Variants in ERVMER34-1 observed in about 807,000 individuals in gnomAD.
ERVMER34-1 encodes endogenous retrovirus group MER34 member 1, envelope, also known as endogenous retroviral envelope protein HEMO.
For missense variants in ERVMER34-1, 471 were observed against 295.1 expected (o/e 1.60, Z -4.37); for synonymous variants, 199 against 111.7 (o/e 1.78, Z -4.93).
In ERVMER34-1 at chr4:52,745,214, C is replaced by G; in HGVS notation, c.307G>C (p.Glu103Gln). 1.4e-6 allele frequency: 1 copy of G among 704,090 alleles called. No individual in the cohort carries two copies. The allele number at this position is 704,090 out of a possible 1,614,324, so 43.6% of individuals were successfully genotyped here. A position where few individuals can be genotyped will look rare whatever the true frequency, so the allele number is the denominator to read the frequency against. Residue 103 changes from glutamate (E) to glutamine (Q), a missense_variant, in exon 3 of 3, where the codon GAA (glutamate) becomes CAA (glutamine). Glu to Gln is a conservative substitution (Grantham distance 29). Transcript: ENST00000443173. ...SSYRKVTWHW[E>Q]ASMEAQGLSF... Reference sequence around the variant, plus strand: ...AGACCTTGAGCTTCCATGGAGGCTTCCCAGTGCCAAGTCACTTTACGATAG... The same window carrying G: ...AGACCTTGAGCTTCCATGGAGGCTTGCCAGTGCCAAGTCACTTTACGATAG...
chr4:52,744,975 T>C lies in ERVMER34-1; in HGVS notation c.546A>G (p.Arg182=). ...DDDTSVCLGT[R]QCSWFAGCTN... is the part of the protein sequence containing the mutation. ...TGCAACCTGCAAACCAGGAACATTG[T>C]CTAGTGCCTAGGCAAACACTTGTAT... The change falls in exon 3 of 3, where the codon AGA becomes AGG. Residue 182 remains arginine, a synonymous_variant. Coordinates refer to ENST00000443173, the MANE Select transcript of ERVMER34-1 (RefSeq NM_001242690.2). 2.8e-6 allele frequency: 2 copies of C among 704,164 alleles called. No homozygotes were observed. Among genetic ancestry groups the C allele is most frequent in the East Asian group, 2.7e-5 (1 of 37,284 alleles). 43.6% of individuals were successfully genotyped at this position (704,164 alleles called of 1,614,324 possible).
rs776083585 is a variant in ERVMER34-1 at position 52,744,908 on chromosome 4, G to A, written c.613C>T (p.Leu205=). 3 of 704,126 alleles carry A rather than the reference G, an allele frequency of 4.3e-6. No individual in the cohort carries two copies. The South Asian group carries it at 4.4e-5, about 10-fold the overall frequency. The allele number at this position is 704,126 out of a possible 1,614,324, so 43.6% of individuals were successfully genotyped here. The stretch of plus-strand genomic sequence containing the variant: ...CATTTGTAGTCTTGGGTATTGGGCA[G>A]ACCAATCAAGGGAACAGCTGAGCTG... ...WNSSAVPLIG[L]PNTQDYKWVD... Residue 205 remains leucine (L), a synonymous_variant, in exon 3 of 3, where the codon CTG becomes TTG. Coordinates refer to ENST00000443173, the MANE Select transcript of ERVMER34-1 (RefSeq NM_001242690.2).
chr4:52,748,859 T>C (rs904976200), intron 2 of ERVMER34-1, among the ~76,000 whole-genome samples: 136 of 152,190 alleles, frequency 8.9e-4, no homozygotes, highest in African/African-American at 3.1e-3. Flanking sequence ...TATTTTTTTT[T>C]CTTTTTTTTC....
Position 52,745,433 on chromosome 4 carries a change from G to A in ERVMER34-1, c.88C>T (p.Pro30Ser). 2.8e-6 allele frequency: 2 copies of A among 704,116 alleles called. No individual in the cohort carries two copies. Among genetic ancestry groups the A allele is most frequent in the Non-Finnish European group, 5.2e-6 (2 of 384,992 alleles). The allele number at this position is 704,116 out of a possible 1,614,324, so 43.6% of individuals were successfully genotyped here. ...AAGATAGATAGTGTCCGGAAAACTG[G>A]AGCAAGCAGGTGCTGAGGTTGTACT... ...ILVQPQHLLA[P>S]VFRTLSILTN... is the part of the protein sequence containing the mutation. The change falls in exon 3 of 3, where the codon CCA becomes TCA. Residue 30 changes from proline (P) to serine (S), a missense_variant. Pro to Ser is a moderately conservative substitution (Grantham distance 74, BLOSUM62 -1). Coordinates refer to ENST00000443173, the MANE Select transcript of ERVMER34-1 (RefSeq NM_001242690.2).
At position 52,743,379 on chromosome 4, in the gene ERVMER34-1, A is replaced by G. The variant is rs749066119; in HGVS notation, c.*450T>C. On this transcript the variant is annotated 3_prime_UTR_variant, in exon 3 of 3. Transcript: ENST00000443173. ...GTGTATGTGTACATTGGATTCTTCTACCTTCAACCAAAATCAAGGGAACAA... is the reference window on the plus strand; with the variant it reads ...GTGTATGTGTACATTGGATTCTTCTGCCTTCAACCAAAATCAAGGGAACAA... 1 of 153,512 alleles carries G rather than the reference A, an allele frequency of 6.5e-6. No homozygotes were observed. Among genetic ancestry groups the G allele is most frequent in the Non-Finnish European group, 1.4e-5 (1 of 69,052 alleles). The allele number at this position is 153,512 out of a possible 1,614,324, so 9.5% of individuals were successfully genotyped here. A position where few individuals can be genotyped will look rare whatever the true frequency, so the allele number is the denominator to read the frequency against.
At chr4:52,750,040 T>G (rs908850186) in intron 2 of ERVMER34-1, among the ~76,000 whole-genome samples, 1 of 152,054 alleles carries the variant, frequency 6.6e-6, no homozygotes, top group Admixed American at 6.5e-5. Flanking sequence ...ACTCTGTTGC[T>G]CGGGCTGGAG....
chr4:52,744,161 T>C lies in ERVMER34-1; in HGVS notation c.1360A>G (p.Ile454Val), dbSNP rs1716083269. 1 of 704,018 alleles carries C rather than the reference T, an allele frequency of 1.4e-6. No homozygotes were observed. The highest frequency in any genetic ancestry group is 2.0e-5 in the Admixed American group (1 of 49,998). The allele number at this position is 704,018 out of a possible 1,614,324, so 43.6% of individuals were successfully genotyped here. ...CCLYINYSEE[I>V]KSNIQRLHEA... ...TGGAGACGCTGTATATTAGACTTTATTTCTTCCGAATAATTTATATAGAGG... is the reference window on the plus strand; with the variant it reads ...TGGAGACGCTGTATATTAGACTTTACTTCTTCCGAATAATTTATATAGAGG... Residue 454 changes from isoleucine to valine, a missense_variant, in exon 3 of 3, where the codon ATA becomes GTA. Transcript: ENST00000443173.
In ERVMER34-1 at chr4:52,743,018, G is replaced by A. The variant is rs1438890339; in HGVS notation, c.*811C>T. Reference sequence around the variant, plus strand: ...TAGCAAGCTATCTACCCTTTGAGTTGATTAATCTGTAAAATATGAACACCG... The same window carrying A: ...TAGCAAGCTATCTACCCTTTGAGTTAATTAATCTGTAAAATATGAACACCG... On this transcript the variant is annotated 3_prime_UTR_variant, in exon 3 of 3. Transcript: ENST00000443173. 6.6e-6 allele frequency: 1 copy of A among 151,464 alleles called. No homozygotes were observed. Among genetic ancestry groups the A allele is most frequent in the Non-Finnish European group, 1.5e-5 (1 of 67,950 alleles). 9.4% of individuals were successfully genotyped at this position (151,464 alleles called of 1,614,324 possible). A position where few individuals can be genotyped will look rare whatever the true frequency, so the allele number is the denominator to read the frequency against.
intron 2 of ERVMER34-1, among the ~76,000 whole-genome samples, chr4:52,749,701 A>T (rs1258157884): frequency 6.6e-6 from 1 of 152,054 alleles, no homozygotes; most frequent in African/African-American, 2.4e-5. Flanking sequence ...TACTCGGGGG[A>T]TCACTTGAAC....
Position 52,751,374 on chromosome 4 carries a change from A to T in ERVMER34-1, c.-595T>A, listed in dbSNP as rs1201808728. The T allele has an allele frequency of 6.6e-6, 1 of 152,228 alleles. No homozygotes were observed. The highest frequency in any genetic ancestry group is 2.4e-5 in the African/African-American group (1 of 41,436). The allele number at this position is 152,228 out of a possible 1,614,324, so 9.4% of individuals were successfully genotyped here. On this transcript the variant is annotated 5_prime_UTR_variant, in exon 1 of 3. Transcript: ENST00000443173. The stretch of plus-strand genomic sequence containing the variant: ...ACTCCGAGGGATAAACTGGCCGACG[A>T]TCGCCGCCAGGCCAGAAGACCAAGA...
Position 52,744,639 on chromosome 4 carries a change from G to A in ERVMER34-1, c.882C>T (p.Asn294=), listed in dbSNP as rs1019695476. 1.3e-5 allele frequency: 9 copies of A among 704,006 alleles called. No homozygotes were observed. The Admixed American group carries it at 1.6e-4, about 13-fold the overall frequency. 43.6% of individuals were successfully genotyped at this position (704,006 alleles called of 1,614,324 possible). A position where few individuals can be genotyped will look rare whatever the true frequency, so the allele number is the denominator to read the frequency against. Reference sequence around the variant, plus strand: ...TGCCGCACAAAAAAAAGAGGCCAGAGTTGTTCACAGACAAGGTCAGATTGG... The same window carrying A: ...TGCCGCACAAAAAAAAGAGGCCAGAATTGTTCACAGACAAGGTCAGATTGG... The part of the protein sequence containing the change: ...TGSNLTLSVN[N]SGLFFLCGNG... Residue 294 remains asparagine (N), a synonymous_variant, in exon 3 of 3, where the codon AAC becomes AAT. Coordinates refer to ENST00000443173, the MANE Select transcript of ERVMER34-1 (RefSeq NM_001242690.2).
rs1716091863 is a variant in ERVMER34-1 at position 52,744,420 on chromosome 4, C to T, written c.1101G>A (p.Lys367=). The T allele has an allele frequency of 2.8e-6, 2 of 703,882 alleles. No homozygotes were observed. The highest frequency in any genetic ancestry group is 1.7e-5 in the African/African-American group (1 of 57,182). The allele number at this position is 703,882 out of a possible 1,614,324, so 43.6% of individuals were successfully genotyped here. Residue 367 remains lysine (K), a synonymous_variant, in exon 3 of 3, where the codon AAG becomes AAA. Transcript: ENST00000443173. Reference sequence around the variant, plus strand: ...AAAGGGCCCTTATTGTTGAATTGTCCTTGGGGTTGCAATACAGAGGTGGAT... The same window carrying T: ...AAAGGGCCCTTATTGTTGAATTGTCTTTGGGGTTGCAATACAGAGGTGGAT... ...TDNPPLYCNP[K]DNSTIRALFP... is the part of the protein sequence containing the mutation.
chr4:52,750,354 G>A (rs1716257518), intron 2 of ERVMER34-1, among the ~76,000 whole-genome samples: 2 of 152,098 alleles, frequency 1.3e-5, no homozygotes, highest in African/African-American at 2.4e-5. Flanking sequence ...GCATATAATT[G>A]TTATCCTATT....
intron 2 of ERVMER34-1, among the ~76,000 whole-genome samples, chr4:52,749,773 C>T (rs1716240900): frequency 6.6e-6 from 1 of 152,112 alleles, no homozygotes; most frequent in Non-Finnish European, 1.5e-5. Flanking sequence ...GAGGCTCTGT[C>T]TTAAACAAAC....
rs62338777 is a variant in ERVMER34-1 at position 52,744,053 on chromosome 4, A to G, written c.1468T>C (p.Trp490Arg). The G allele has an allele frequency of 3.3e-4, 234 of 705,790 alleles. No homozygotes were observed. The highest frequency in any genetic ancestry group is 5.4e-4 in the Non-Finnish European group (209 of 386,450). The allele number at this position is 705,790 out of a possible 1,614,324, so 43.7% of individuals were successfully genotyped here. ...AGAACAATTAAAAGCACATAGCCCC[A>G]TGATCTGAACCAGTCTCCCACTTTT... ...FAKVGDWFRS[W>R]GYVLLIVLFC... Residue 490 changes from tryptophan to arginine, a missense_variant, in exon 3 of 3, where the codon TGG (tryptophan) becomes CGG (arginine). Coordinates refer to ENST00000443173, the MANE Select transcript of ERVMER34-1 (RefSeq NM_001242690.2).
At position 52,745,578 on chromosome 4, in the gene ERVMER34-1, A is replaced by G; in HGVS notation, c.-58T>C. 1 of 658,682 alleles carries G rather than the reference A, an allele frequency of 1.5e-6. No homozygotes were observed. Among genetic ancestry groups the G allele is most frequent in the South Asian group, 1.7e-5 (1 of 59,696 alleles). The allele number at this position is 658,682 out of a possible 1,614,324, so 40.8% of individuals were successfully genotyped here. A position where few individuals can be genotyped will look rare whatever the true frequency, so the allele number is the denominator to read the frequency against. On this transcript the variant is annotated 5_prime_UTR_variant, in exon 3 of 3. Coordinates refer to ENST00000443173, the MANE Select transcript of ERVMER34-1 (RefSeq NM_001242690.2). Reference sequence around the variant, plus strand: ...ACTCCAGACAATGGAGATTCAATGAAAGGGGAGGGTTTTGTTTAAATTTCT... The same window carrying G: ...ACTCCAGACAATGGAGATTCAATGAGAGGGGAGGGTTTTGTTTAAATTTCT...
In ERVMER34-1 at chr4:52,744,605, A is replaced by G. The variant is rs1716099315; in HGVS notation, c.916T>C (p.Tyr306His). Residue 306 changes from tyrosine to histidine, a missense_variant, in exon 3 of 3, where the codon TAC becomes CAC. By Grantham distance (83) the Tyr-to-His change is moderately conservative (BLOSUM62 2). Transcript: ENST00000443173. Reference sequence around the variant, plus strand: ...GACCATTTAGGTGGAAACCCTTTGTACACCCCATTGCCGCACAAAAAAAAG... The same window carrying G: ...GACCATTTAGGTGGAAACCCTTTGTGCACCCCATTGCCGCACAAAAAAAAG... ...GLFFLCGNGV[Y>H]KGFPPKWSGR... is the part of the protein sequence containing the mutation. 1.4e-6 allele frequency: 1 copy of G among 703,960 alleles called. No individual in the cohort carries two copies. The highest frequency in any genetic ancestry group is 2.6e-6 in the Non-Finnish European group (1 of 385,000). 43.6% of individuals were successfully genotyped at this position (703,960 alleles called of 1,614,324 possible).
rs1475688307 is a variant in ERVMER34-1, at chr4:52,743,557, C to T, written c.*272G>A. ...AAAAAACATTTATTATATATGCATG[C>T]AAGAACACTACAAAGAGTAGCTCTC... is the stretch of plus-strand genomic sequence containing the variant. On this transcript the variant is annotated 3_prime_UTR_variant, in exon 3 of 3. Coordinates refer to ENST00000443173, the MANE Select transcript of ERVMER34-1 (RefSeq NM_001242690.2). 7 of 338,822 alleles carry T rather than the reference C, an allele frequency of 2.1e-5. No individual in the cohort carries two copies. The Admixed American group carries it at 2.6e-4, about 13-fold the overall frequency. The allele number at this position is 338,822 out of a possible 1,614,324, so 21.0% of individuals were successfully genotyped here.
intron 2 of ERVMER34-1, chr4:52,748,160 T>A (rs1204553469): frequency 1.4e-5 from 3 of 219,388 alleles, no homozygotes; most frequent in Non-Finnish European, 1.8e-5. Context: ...GTTGACACAG[T>A]GCATTAAGCA....
Sources: gnomAD v4.1 joint callset for allele counts (sites outside exome capture counted in the v4.1 genomes callset) on GRCh38, gnomAD v4.1.1 for gene constraint, MANE v1.5 for transcripts, NCBI Gene and HGNC (gene_info 2026-07-23, HGNC 2026-07-21) for gene names.